The following ASPH variants were observed in gnomAD, a reference collection of about 807,000 sequenced individuals.
ASPH encodes the protein aspartyl/asparaginyl beta-hydroxylase.
A neutral mutation model predicts 118.4 loss-of-function variants in ASPH; 100 were observed. The ratio of observed to expected loss-of-function variants is 0.84; its 90% CI spans 0.72 to 1.00. The LOEUF is 1.00. Ranked by LOEUF, ASPH falls within the 50% of genes least tolerant of loss-of-function variation. ASPH has a pLI of 0.00. For missense variants in ASPH, 920 were observed against 919.5 expected (o/e 1.00, Z -0.01); for synonymous variants, 315 against 325.6 (o/e 0.97, Z 0.35).
At chr8:61,539,482 T>G (rs1405894584) in intron 21 of ASPH, among the ~76,000 whole-genome samples, 1 of 152,072 alleles carries the variant, frequency 6.6e-6, no homozygotes, top group East Asian at 1.9e-4. Flanking sequence ...AGAGATCAAA[T>G]GCCCTGCTTG....
chr8:61,693,908 G>C (rs1833304434), intron 1 of ASPH, among the ~76,000 whole-genome samples: 1 of 152,084 alleles, frequency 6.6e-6, no homozygotes. Flanking sequence ...CTGCCTCCCT[G>C]GGTGAACACA....
intron 1 of ASPH, among the ~76,000 whole-genome samples, chr8:61,700,556 T>C (rs564399535): frequency 6.6e-6 from 1 of 152,306 alleles, no homozygotes; most frequent in Admixed American, 6.5e-5. Context: ...TCCAGGCAGA[T>C]AAAGATGCCT....
chr8:61,665,000 A>G (rs1818813036), intron 3 of ASPH: 2 of 1,221,708 alleles, frequency 1.6e-6, no homozygotes, highest in South Asian at 3.3e-5. Context: ...ATATACATTT[A>G]TCTGAATACA....
intron 15 of ASPH, among the ~76,000 whole-genome samples, chr8:61,582,050 C>A (rs1029621065): frequency 3.3e-5 from 5 of 152,198 alleles, no homozygotes; most frequent in African/African-American, 1.2e-4. Flanking sequence ...GTCCAGTGCA[C>A]TAAGGTGCAT....
intron 24 of ASPH, among the ~76,000 whole-genome samples, chr8:61,516,292 T>C (rs565073246): frequency 8.7e-4 from 133 of 152,270 alleles, no homozygotes; most frequent in Middle Eastern, 3.4e-3. Flanking sequence ...TTTTAGCTTA[T>C]CTGTAGAGAG....
At chr8:61,672,400 G>A (rs897959577) in intron 3 of ASPH, among the ~76,000 whole-genome samples, 3 of 152,072 alleles carry the variant, frequency 2.0e-5, no homozygotes, top group African/African-American at 7.2e-5. Flanking sequence ...AATACAAATT[G>A]GAGATTGGAA....
intron 1 of ASPH, among the ~76,000 whole-genome samples, chr8:61,699,222 G>GCCCTAACAGCGGCCTTCA (rs552269857): frequency 3.9e-5 from 6 of 152,334 alleles, no homozygotes; most frequent in Non-Finnish European, 5.9e-5. Flanking sequence ...AACAGGTGAT[G>GCCCTAACAGCGGCCTTCA]CCCTAACAGC....
chr8:61,536,994 C>T (rs77323860), intron 21 of ASPH, among the ~76,000 whole-genome samples: 13,431 of 152,128 alleles, frequency 0.088, 674 homozygotes, highest in Non-Finnish European at 0.12. Context: ...GACTTTTGCT[C>T]GTTCTAGTGA....
intron 19 of ASPH, among the ~76,000 whole-genome samples, chr8:61,553,382 A>G (rs1395302889): frequency 6.6e-6 from 1 of 152,192 alleles, no homozygotes; most frequent in Non-Finnish European, 1.5e-5. Context: ...TACTTTGTGT[A>G]CCTTCTGTGT....
Position 61,647,010 on chromosome 8 carries a change from T to C in ASPH, c.491-132A>G, listed in dbSNP as rs1479412007. ...CTCCTTTCGGCCGCTGAAGACACCA[T>C]TGTCCACTCCACAGCTATTTTCTTC... On this transcript the variant is annotated intron_variant, in intron 5 of 24. Transcript: ENST00000379454. The C allele has an allele frequency of 1.5e-5, 17 of 1,159,432 alleles. No homozygotes were observed. The East Asian group carries it at 2.8e-4, about 19-fold the overall frequency. The allele number at this position is 1,159,432 out of a possible 1,614,324, so 71.8% of individuals were successfully genotyped here. A position where few individuals can be genotyped will look rare whatever the true frequency, so the allele number is the denominator to read the frequency against.
intron 15 of ASPH, chr8:61,579,295 C>T: frequency 6.2e-7 from 1 of 1,614,144 alleles, no homozygotes; most frequent in Non-Finnish European, 8.5e-7. Flanking sequence ...CTGGAGGCTG[C>T]CCTGCAGCGG....
At chr8:61,554,076 T>C (rs1563797398) in intron 19 of ASPH, among the ~76,000 whole-genome samples, 1 of 152,240 alleles carries the variant, frequency 6.6e-6, no homozygotes, top group Non-Finnish European at 1.5e-5. Flanking sequence ...TTGCTTTCCC[T>C]ATCTCTGAAG....
chr8:61,591,317 T>C (rs909396000), intron 14 of ASPH, among the ~76,000 whole-genome samples: 1 of 151,900 alleles, frequency 6.6e-6, no homozygotes, highest in East Asian at 1.9e-4. Flanking sequence ...GAAAATTACC[T>C]GAGAGTTGCT....
intron 21 of ASPH, among the ~76,000 whole-genome samples, chr8:61,545,162 G>A (rs1823346101): frequency 6.6e-6 from 1 of 152,196 alleles, no homozygotes; most frequent in South Asian, 2.1e-4. Flanking sequence ...TCACTAATGT[G>A]ATGGTGTTAG....
At chr8:61,642,852 A>C in intron 10 of ASPH, 36 bp downstream of exon 10, 1 of 1,509,916 alleles carries the variant, frequency 6.6e-7, no homozygotes, top group East Asian at 2.4e-5. Flanking sequence ...TCTCAAAAAA[A>C]AAAAGAAAAA....
chr8:61,706,299 T>C (rs1298488294), intron 1 of ASPH, among the ~76,000 whole-genome samples: 1 of 149,388 alleles, frequency 6.7e-6, no homozygotes, highest in African/African-American at 2.5e-5. Flanking sequence ...GGTGCATGCC[T>C]GTAGTCCCAG....
At chr8:61,544,798 C>A (rs1463386637) in intron 21 of ASPH, among the ~76,000 whole-genome samples, 1 of 152,138 alleles carries the variant, frequency 6.6e-6, no homozygotes, top group Admixed American at 6.5e-5. Context: ...AAGACACAAT[C>A]TCAGAGAACT....
chr8:61,706,983 T>C (rs1836853361), intron 1 of ASPH, among the ~76,000 whole-genome samples: 1 of 152,160 alleles, frequency 6.6e-6, no homozygotes, highest in Non-Finnish European at 1.5e-5. Context: ...CACCAGGTGG[T>C]TCAGAGATCT....
intron 1 of ASPH, among the ~76,000 whole-genome samples, chr8:61,700,145 T>G (rs1403001718): frequency 1.3e-5 from 2 of 152,190 alleles, no homozygotes; most frequent in African/African-American, 2.4e-5. Flanking sequence ...GACCAAGTCA[T>G]GTGTCACAGG....
Sources: allele counts gnomAD v4.1 joint callset (sites outside exome capture counted in the v4.1 genomes callset), GRCh38; gene constraint gnomAD v4.1.1; transcripts MANE v1.5; gene names NCBI Gene and HGNC (gene_info 2026-07-23, HGNC 2026-07-21).